Variants in SORBS2 observed in about 807,000 individuals in gnomAD.
The protein encoded by SORBS2 is sorbin and SH3 domain-containing protein 2.
Under a neutral mutation model 97.7 loss-of-function variants are expected in SORBS2, and 46 were observed. The ratio of observed to expected loss-of-function variants is 0.47; its 90% CI spans 0.37 to 0.60. The LOEUF is 0.60. SORBS2 is among the 20% of genes least tolerant of loss of function. The pLI, the probability that SORBS2 is intolerant of heterozygous loss-of-function variation, is 0.00. For synonymous variants in SORBS2, 476 were observed against 473.4 expected (o/e 1.01, Z -0.07); for missense variants, 1,316 against 1,282.3 (o/e 1.03, Z -0.40).
intron 1 of SORBS2, among the ~76,000 whole-genome samples, chr4:185,945,971 G>T (rs1362149815): frequency 6.6e-6 from 1 of 152,314 alleles, no homozygotes; most frequent in South Asian, 2.1e-4. Context: ...TTGGGAGCTC[G>T]CATGTTGACA....
chr4:185,587,843 A>T, intron 14 of SORBS2, 155 bp from the exon 27 acceptor site: 2 of 623,844 alleles, frequency 3.2e-6, no homozygotes, highest in Non-Finnish European at 2.9e-6. Flanking sequence ...CCATAGGCAG[A>T]CAAAATAAGC....
upstream of SORBS2, among the ~76,000 whole-genome samples, chr4:185,659,724 C>G (rs913178871): frequency 2.0e-5 from 3 of 152,046 alleles, no homozygotes; most frequent in African/African-American, 7.2e-5. Context: ...CCCGGCTAAG[C>G]TAGTCCTTAT....
intron 2 of SORBS2, among the ~76,000 whole-genome samples, chr4:185,713,079 C>T (rs1213638937): frequency 2.0e-5 from 3 of 152,154 alleles, no homozygotes; most frequent in Non-Finnish European, 4.4e-5. Context: ...GCCCTCCAGT[C>T]ACCTCCCATC....
intron 1 of SORBS2, among the ~76,000 whole-genome samples, chr4:185,860,503 A>G (rs1384697810): frequency 6.6e-6 from 1 of 152,172 alleles, no homozygotes; most frequent in Non-Finnish European, 1.5e-5. Context: ...TGCGAGAAGA[A>G]TGTTCTTGGT....
At chr4:185,589,594 C>T (rs545275108) in intron 14 of SORBS2, 85 bp downstream of exon 26, 37 of 777,050 alleles carry the variant, frequency 4.8e-5, no homozygotes, top group Middle Eastern at 2.3e-4. Context: ...AAAGGAAGCT[C>T]GGCCATCACA....
chr4:185,746,324 T>C (rs547023759), intron 2 of SORBS2, among the ~76,000 whole-genome samples: 1 of 152,240 alleles, frequency 6.6e-6, no homozygotes, highest in East Asian at 1.9e-4. Context: ...TTTTTCTTTT[T>C]GTTCTTTTTT....
intron 1 of SORBS2, among the ~76,000 whole-genome samples, chr4:185,815,730 CATCA>C (rs1211996016): frequency 6.6e-6 from 1 of 152,196 alleles, no homozygotes; most frequent in African/African-American, 2.4e-5. Flanking sequence ...CACACCTACA[CATCA>C]ATCAATCTAC....
intron 2 of SORBS2, among the ~76,000 whole-genome samples, chr4:185,711,661 C>T (rs1317058877): frequency 8.5e-5 from 13 of 152,148 alleles, no homozygotes. Context: ...ATCCAAATTC[C>T]CAACATATGT....
chr4:185,913,397 A>ACCTG (rs977387601), intron 1 of SORBS2, among the ~76,000 whole-genome samples: 1 of 152,216 alleles, frequency 6.6e-6, no homozygotes, highest in African/African-American at 2.4e-5. Flanking sequence ...ATTTAGGTTG[A>ACCTG]CCTGACAGAC....
At chr4:185,587,183 A>T (rs569573157) in exon 15 of SORBS2, 65 of 182,080 alleles carry the variant, frequency 3.6e-4, no homozygotes, top group Non-Finnish European at 6.0e-4. Flanking sequence ...CAAGCGAAGA[A>T]TATGAAAATG....
At chr4:185,883,572 G>C (rs903605112) in intron 1 of SORBS2, among the ~76,000 whole-genome samples, 2 of 152,176 alleles carry the variant, frequency 1.3e-5, no homozygotes, top group Non-Finnish European at 2.9e-5. Flanking sequence ...GTTCAAAGCA[G>C]CTTTATTTAT....
intron 2 of SORBS2, among the ~76,000 whole-genome samples, chr4:185,683,967 A>C (rs1394204233): frequency 1.3e-5 from 2 of 152,158 alleles, no homozygotes; most frequent in Non-Finnish European, 2.9e-5. Context: ...TTAATCTTAT[A>C]AATAAAAAAC....
chr4:185,917,058 C>CCT (rs200740524), intron 1 of SORBS2, among the ~76,000 whole-genome samples: 1 of 151,732 alleles, frequency 6.6e-6, no homozygotes, highest in Admixed American at 6.6e-5. Flanking sequence ...TAATTAATCA[C>CCT]GCCTATCTAA....
chr4:185,666,121 G>A lies in SORBS2; in HGVS notation c.-45-3879C>T, dbSNP rs530561001. On this transcript the variant is annotated intron_variant, in intron 4 of 20. Coordinates refer to the SORBS2 transcript ENST00000284776. ...CAAAGGTACCACGGAAGGAGGGCAC[G>A]GAGGAGAAGCTTCTGGTGTGGTTTG... 1.0e-5 allele frequency: 13 copies of A among 1,289,794 alleles called. No individual in the cohort carries two copies. In the East Asian group the frequency reaches 1.7e-4, roughly 17 times the overall value. The allele number at this position is 1,289,794 out of a possible 1,614,324, so 79.9% of individuals were successfully genotyped here. A position where few individuals can be genotyped will look rare whatever the true frequency, so the allele number is the denominator to read the frequency against.
chr4:185,741,686 C>A (rs1055434962), intron 2 of SORBS2, among the ~76,000 whole-genome samples: 32 of 152,096 alleles, frequency 2.1e-4, no homozygotes, highest in Non-Finnish European at 4.4e-4. Context: ...TTATCACATA[C>A]TCCTGCTCTT....
chr4:185,921,446 G>A (rs1432868642), intron 1 of SORBS2, among the ~76,000 whole-genome samples: 4 of 152,186 alleles, frequency 2.6e-5, no homozygotes, highest in Admixed American at 2.0e-4. Context: ...CAATGGTGGC[G>A]TTAGAAAAAT....
intron 1 of SORBS2, among the ~76,000 whole-genome samples, chr4:185,806,451 T>TGG (rs2099154755): frequency 1.3e-5 from 1 of 78,282 alleles, no homozygotes; most frequent in Non-Finnish European, 2.5e-5. Flanking sequence ...TTTTTTTTTT[T>TGG]TTTTTTTTTT....
At chr4:185,801,574 GT>G (rs1398251607) in intron 1 of SORBS2, among the ~76,000 whole-genome samples, 1 of 152,152 alleles carries the variant, frequency 6.6e-6, no homozygotes, top group Non-Finnish European at 1.5e-5. Flanking sequence ...GCTTAGTGAT[GT>G]TGAGCACGTT....
chr4:185,665,817 G>A lies in SORBS2; in HGVS notation c.-45-3575C>T, dbSNP rs1360212212. The A allele has an allele frequency of 8.0e-6, 9 of 1,131,486 alleles. No individual in the cohort carries two copies. In the East Asian group the frequency reaches 5.7e-4, roughly 72 times the overall value. 70.1% of individuals were successfully genotyped at this position (1,131,486 alleles called of 1,614,324 possible). ...AGGTGGGGGAGGGTGTCTCAGAACG[G>A]CCAGTGGTGTCAGAGTCACCAATCT... is the stretch of plus-strand genomic sequence containing the variant. On this transcript the variant is annotated intron_variant, in intron 4 of 20. Transcript: ENST00000284776.
Sources: allele counts gnomAD v4.1 joint callset (sites outside exome capture counted in the v4.1 genomes callset), GRCh38; gene constraint gnomAD v4.1.1; transcripts MANE v1.5; gene names NCBI Gene and HGNC (gene_info 2026-07-23, HGNC 2026-07-21).